Variants in BMPER observed in about 807,000 individuals in gnomAD.
BMPER encodes BMP-binding endothelial regulator protein.
In BMPER, 45 loss-of-function variants were observed where a neutral mutation model predicts 87.3. The ratio of observed to expected loss-of-function variants is 0.52; its 90% CI spans 0.41 to 0.66. The LOEUF (loss-of-function observed/expected upper bound fraction) is 0.66. Ranked by LOEUF, BMPER falls within the 30% of genes least tolerant of loss-of-function variation. The probability of loss-of-function intolerance (pLI) is 0.00; values close to 1 mark genes in which losing one functional copy is unlikely to be tolerated. For missense variants in BMPER, 784 were observed against 867.5 expected, an observed-to-expected ratio of 0.90 and a Z score of 1.21; for synonymous variants, 326 against 316.2, an observed-to-expected ratio of 1.03 and a Z score of -0.33.
At chr7:33,964,978 T>C (rs1381852386) in intron 3 of BMPER, among the ~76,000 whole-genome samples, 1 of 152,194 alleles carries the variant, frequency 6.6e-6, no homozygotes, top group Admixed American at 6.5e-5. Context: ...TCTGTGTTAG[T>C]GGATCAGACA....
chr7:34,026,302 A>G (rs1585750372), intron 6 of BMPER, among the ~76,000 whole-genome samples: 1 of 152,088 alleles, frequency 6.6e-6, no homozygotes, highest in African/African-American at 2.4e-5. Context: ...ATTGGACAGC[A>G]GAGACATTCA....
intron 6 of BMPER, among the ~76,000 whole-genome samples, chr7:34,026,209 G>C (rs1787353856): frequency 6.6e-6 from 1 of 152,016 alleles, no homozygotes; most frequent in Admixed American, 6.6e-5. Context: ...GGTTTAGGTT[G>C]TGGCTCTGGG....
rs567436712 is a variant in BMPER, at chr7:33,947,937, C to T, written c.319+10549C>T. Among the ~76,000 whole-genome samples the T allele has an allele frequency of 1.0e-3, 159 of 152,162 alleles. No homozygotes were observed. In the Middle Eastern group the frequency reaches 0.02, roughly 20 times the overall value. On this transcript the variant is annotated intron_variant, in intron 3 of 14. Transcript: ENST00000649409. The stretch of plus-strand genomic sequence containing the variant: ...ATAGAAACAAACATTTAAAAAAACT[C>T]TTATATGAAAATAACGACACTTTCT...
intron 9 of BMPER, 138 bp from the exon 10 acceptor site, chr7:34,057,921 C>T: frequency 2.8e-6 from 2 of 726,808 alleles, no homozygotes; most frequent in Non-Finnish European, 2.5e-6. Context: ...TGTAGACAGA[C>T]ACCTGAGTCA....
chr7:34,048,841 A>T (rs1410815041), intron 7 of BMPER, among the ~76,000 whole-genome samples: 1 of 152,230 alleles, frequency 6.6e-6, no homozygotes, highest in Non-Finnish European at 1.5e-5. Flanking sequence ...CAGGCTGTAC[A>T]CAAAGTCTCT....
chr7:34,134,011 T>C (rs746036093), intron 13 of BMPER, among the ~76,000 whole-genome samples: 11 of 152,054 alleles, frequency 7.2e-5, no homozygotes, highest in African/African-American at 1.2e-4. Context: ...GAAATGAGAT[T>C]TCGTGAAAAA....
chr7:34,105,494 T>C lies in BMPER; in HGVS notation c.1745+19402T>C, dbSNP rs189604378. On this transcript the variant is annotated intron_variant, in intron 13 of 14. Transcript: ENST00000649409. Reference sequence around the variant, plus strand: ...TTATTCTTGGAAACCAAGTTCACCATAGAGGGCCAGTCAGGGATATCTGGA... The same window carrying C: ...TTATTCTTGGAAACCAAGTTCACCACAGAGGGCCAGTCAGGGATATCTGGA... 4.6e-5 allele frequency among the ~76,000 whole-genome samples: 7 copies of C among 152,326 alleles called. No homozygotes were observed. The East Asian group carries it at 1.4e-3, about 29-fold the overall frequency.
At chr7:34,106,319 A>G (rs911376042) in intron 13 of BMPER, among the ~76,000 whole-genome samples, 1 of 152,202 alleles carries the variant, frequency 6.6e-6, no homozygotes, top group Non-Finnish European at 1.5e-5. Context: ...TCCAAAGTGC[A>G]CATATCACTT....
chr7:33,979,796 G>A (rs1054332995), intron 6 of BMPER, among the ~76,000 whole-genome samples: 6 of 152,172 alleles, frequency 3.9e-5, no homozygotes, highest in African/African-American at 1.4e-4. Flanking sequence ...GCTTGTATAC[G>A]CCATGTGGCT....
chr7:34,109,563 T>G (rs1034380732), intron 13 of BMPER, among the ~76,000 whole-genome samples: 1 of 152,234 alleles, frequency 6.6e-6, no homozygotes, highest in Non-Finnish European at 1.5e-5. Context: ...TATTAATTTG[T>G]TATACTTTCT....
chr7:34,019,267 A>T (rs1019764548), intron 6 of BMPER, among the ~76,000 whole-genome samples: 9 of 152,002 alleles, frequency 5.9e-5, no homozygotes, highest in African/African-American at 2.2e-4. Flanking sequence ...ATTCTTTAAT[A>T]AATCACACCA....
intron 10 of BMPER, 37 bp from the exon 11 acceptor site, chr7:34,061,965 T>TTTTTA (rs1554312510): frequency 2.0e-5 from 30 of 1,519,784 alleles, no homozygotes; most frequent in South Asian, 3.6e-5. Flanking sequence ...TTTTTTTTTT[T>TTTTTA]AAACAGTAAC....
intron 2 of BMPER, among the ~76,000 whole-genome samples, chr7:33,922,795 A>G (rs1009875389): frequency 2.6e-5 from 4 of 152,168 alleles, no homozygotes; most frequent in Admixed American, 2.6e-4. Context: ...AGCAGTGTCA[A>G]GTGTTCAGGT....
At chr7:34,035,564 A>C (rs1011406314) in intron 6 of BMPER, among the ~76,000 whole-genome samples, 1 of 152,232 alleles carries the variant, frequency 6.6e-6, no homozygotes, top group African/African-American at 2.4e-5. Context: ...ATCTTAATTA[A>C]GAGTCATTCA....
At position 33,997,158 on chromosome 7, in the gene BMPER, T is replaced by G. The variant is rs557400289; in HGVS notation, c.576+22374T>G. The stretch of plus-strand genomic sequence containing the variant: ...TCAGGATGAAAGTGAAAGTGAAAGT[T>G]AATTACCCACCAGAGTGATCTTTTC... On this transcript the variant is annotated intron_variant, in intron 6 of 14. Coordinates refer to ENST00000649409, the MANE Select transcript of BMPER (RefSeq NM_001365308.1). Among the ~76,000 whole-genome samples the G allele has an allele frequency of 3.3e-5, 5 of 152,324 alleles. 1 individual carries two copies. The South Asian group carries it at 1.0e-3, about 32-fold the overall frequency.
intron 9 of BMPER, 138 bp from the exon 10 acceptor site, chr7:34,057,921 C>A: frequency 1.4e-6 from 1 of 726,808 alleles, no homozygotes; most frequent in South Asian, 1.5e-5. Context: ...TGTAGACAGA[C>A]ACCTGAGTCA....
chr7:34,081,071 T>A (rs963500712), intron 12 of BMPER, among the ~76,000 whole-genome samples: 8 of 152,200 alleles, frequency 5.3e-5, no homozygotes, highest in Non-Finnish European at 1.2e-4. Flanking sequence ...AACAATTTCC[T>A]GTAGCACACG....
chr7:33,951,205 G>A (rs1055998992), intron 3 of BMPER, among the ~76,000 whole-genome samples: 2 of 151,838 alleles, frequency 1.3e-5, no homozygotes, highest in African/African-American at 2.4e-5. Context: ...GCACCACCAC[G>A]CCAAGCTAAT....
chr7:33,967,399 CTCTTA>C lies in BMPER; in HGVS notation c.402+844_402+848del, dbSNP rs1211621429. Among the ~76,000 whole-genome samples the C allele has an allele frequency of 1.6e-4, 24 of 152,290 alleles. No homozygotes were observed. The East Asian group carries it at 4.2e-3, about 27-fold the overall frequency. On this transcript the variant is annotated intron_variant, in intron 4 of 14. Coordinates refer to ENST00000649409, the MANE Select transcript of BMPER (RefSeq NM_001365308.1). ...GTATAATAATGGATATTTCTCTTTG[CTCTTA>C]TCTTAAGCATAGTGACATTTAGTTT...
Sources: gnomAD v4.1 joint callset for allele counts (sites outside exome capture counted in the v4.1 genomes callset) on GRCh38, gnomAD v4.1.1 for gene constraint, MANE v1.5 for transcripts, NCBI Gene and HGNC (gene_info 2026-07-23, HGNC 2026-07-21) for gene names.